The following LRRC18 variants were observed in gnomAD, a reference collection of about 807,000 sequenced individuals.
LRRC18 encodes the protein leucine rich repeat containing 18.
A neutral mutation model predicts 11.2 loss-of-function variants in LRRC18; 12 were observed. The observed-to-expected ratio is 1.07, with a 90% CI of 0.69 to 1.74. LRRC18 has a LOEUF of 1.74. Among genes scored for constraint, LRRC18 ranks in the 40% most tolerant of loss-of-function variants. The pLI is 0.00. For synonymous variants in LRRC18, 155 were observed against 130.6 expected, an observed-to-expected ratio of 1.19 and a Z score of -1.27; for missense variants, 374 against 330.5, an observed-to-expected ratio of 1.13 and a Z score of -1.02.
intron 1 of LRRC18, among the ~76,000 whole-genome samples, chr10:48,911,506 A>T (rs1446719516): frequency 6.6e-6 from 1 of 152,234 alleles, no homozygotes; most frequent in African/African-American, 2.4e-5. Flanking sequence ...CATTAGTGAA[A>T]ACTGAAAATA....
upstream of LRRC18, among the ~76,000 whole-genome samples, chr10:48,918,718 T>A (rs1208384193): frequency 6.6e-6 from 1 of 151,400 alleles, no homozygotes; most frequent in African/African-American, 2.4e-5. Context: ...TCTGTTGACA[T>A]TTTAGACCAG....
chr10:48,910,859 G>C, intron 1 of LRRC18: 1 of 969,734 alleles, frequency 1.0e-6, no homozygotes, highest in South Asian at 4.8e-5. Context: ...GGGAGGACGT[G>C]GACCAGCAAA....
At chr10:48,927,559 T>C in the LRRC18 span, among the ~76,000 whole-genome samples, 2 of 152,240 alleles carry the variant, frequency 1.3e-5, no homozygotes, top group South Asian at 4.1e-4. Flanking sequence ...CTGGTTAATT[T>C]GATCAACCAA....
intron 1 of LRRC18, among the ~76,000 whole-genome samples, chr10:48,911,653 A>G (rs1292862431): frequency 6.6e-6 from 1 of 152,248 alleles, no homozygotes; most frequent in Non-Finnish European, 1.5e-5. Flanking sequence ...GGAATGCTAT[A>G]ATTTTAACTA....
At chr10:48,912,057 GA>G (rs749252401) in intron 1 of LRRC18, among the ~76,000 whole-genome samples, 1 of 152,156 alleles carries the variant, frequency 6.6e-6, no homozygotes, top group Non-Finnish European at 1.5e-5. Context: ...AGTCCTGGGG[GA>G]AAAAAGCCTC....
the LRRC18 span, among the ~76,000 whole-genome samples, chr10:48,920,613 G>A: frequency 6.6e-6 from 1 of 152,150 alleles, no homozygotes; most frequent in African/African-American, 2.4e-5. Context: ...ACTAAGACAA[G>A]AGAGCACACT....
At chr10:48,925,097 A>G in the LRRC18 span, among the ~76,000 whole-genome samples, 3 of 152,194 alleles carry the variant, frequency 2.0e-5, no homozygotes, top group Non-Finnish European at 4.4e-5. Context: ...CTTGTCGGTC[A>G]TCTCTTAAAA....
At chr10:48,920,958 T>C in the LRRC18 span, among the ~76,000 whole-genome samples, 1 of 152,172 alleles carries the variant, frequency 6.6e-6, no homozygotes, top group Non-Finnish European at 1.5e-5. Context: ...ATATGCAGGA[T>C]TTTTATAATG....
upstream of LRRC18, among the ~76,000 whole-genome samples, chr10:48,918,439 G>C (rs1276174390): frequency 6.6e-6 from 1 of 152,150 alleles, no homozygotes; most frequent in Non-Finnish European, 1.5e-5. Flanking sequence ...ATTAATGTCA[G>C]ATAAAGCATA....
intron 1 of LRRC18, among the ~76,000 whole-genome samples, chr10:48,911,883 C>G (rs1838038258): frequency 6.6e-6 from 1 of 152,154 alleles, no homozygotes; most frequent in African/African-American, 2.4e-5. Flanking sequence ...GTTGTCATAG[C>G]TAAGCATTAC....
intron 1 of LRRC18, 133 bp from the exon 4 acceptor site, chr10:48,910,391 G>T: frequency 2.6e-6 from 2 of 767,432 alleles, no homozygotes; most frequent in Non-Finnish European, 2.3e-6. Flanking sequence ...GTGAATGGGG[G>T]TTTTGTTGTA....
upstream of LRRC18, chr10:48,914,247 G>A (rs1158750555): frequency 3.2e-5 from 44 of 1,388,074 alleles, no homozygotes; most frequent in Non-Finnish European, 4.3e-5. Flanking sequence ...TGAAAGATAA[G>A]AAAACATCTG....
At chr10:48,912,592 TC>T (rs1838105887) in intron 1 of LRRC18, among the ~76,000 whole-genome samples, 3 of 152,324 alleles carry the variant, frequency 2.0e-5, no homozygotes, top group African/African-American at 7.2e-5. Context: ...AGCCAAGCTT[TC>T]CCCAAAGGGA....
the LRRC18 span, among the ~76,000 whole-genome samples, chr10:48,923,520 A>ATATATATATATATAT: frequency 1.0e-5 from 1 of 99,716 alleles, no homozygotes; most frequent in Non-Finnish European, 2.3e-5. Flanking sequence ...ATATGTCCCA[A>ATATATATATATATAT]ATACCGCATA....
upstream of LRRC18, among the ~76,000 whole-genome samples, chr10:48,918,912 C>A (rs1317949304): frequency 6.6e-6 from 1 of 152,140 alleles, no homozygotes; most frequent in African/African-American, 2.4e-5. Flanking sequence ...CACTGAGGAG[C>A]AAAATTGCCT....
chr10:48,918,210 A>G (rs139968986), upstream of LRRC18, among the ~76,000 whole-genome samples: 17 of 152,356 alleles, frequency 1.1e-4, no homozygotes, highest in East Asian at 2.7e-3. Flanking sequence ...TATTAAAATG[A>G]TAGACTGAAA....
exon 1 of LRRC18, chr10:48,913,406 G>A: frequency 3.1e-6 from 5 of 1,611,738 alleles, no homozygotes; most frequent in Non-Finnish European, 4.2e-6. Context: ...AGTCTTCCCA[G>A]GAGTCCTTGG....
chr10:48,913,102 G>C (rs116109383), intron 1 of LRRC18, among the ~76,000 whole-genome samples: 2 of 152,226 alleles, frequency 1.3e-5, no homozygotes, highest in Non-Finnish European at 2.9e-5. Flanking sequence ...AGACAAGAGA[G>C]ATCTGGGGGC....
At chr10:48,930,549 A>G in the LRRC18 span, among the ~76,000 whole-genome samples, 1 of 152,352 alleles carries the variant, frequency 6.6e-6, no homozygotes, top group South Asian at 2.1e-4. Context: ...AGATGAAGCA[A>G]GGAAACGGCT....
Sources: allele counts gnomAD v4.1 joint callset (sites outside exome capture counted in the v4.1 genomes callset), GRCh38; gene constraint gnomAD v4.1.1; transcripts MANE v1.5; gene names NCBI Gene and HGNC (gene_info 2026-07-23, HGNC 2026-07-21).